DNMBP: variants seen among roughly 807,000 people sequenced by gnomAD.
DNMBP encodes the protein dynamin binding protein.
In DNMBP, 87 loss-of-function variants were observed where a neutral mutation model predicts 150.0. The observed-to-expected ratio is 0.58, with a 90% CI of 0.49 to 0.69. DNMBP has a LOEUF of 0.69. Ranked by LOEUF, DNMBP falls within the 30% of genes least tolerant of loss-of-function variation. DNMBP has a pLI of 0.00. For synonymous variants in DNMBP, 711 were observed against 750.4 expected (o/e 0.95, Z 0.86); for missense variants, 1,774 against 1,949.0 (o/e 0.91, Z 1.69).
chr10:100,000,643 T>C (rs995404001), intron 1 of DNMBP, among the ~76,000 whole-genome samples: 2 of 151,964 alleles, frequency 1.3e-5, no homozygotes, highest in African/African-American at 4.8e-5. Context: ...ACCCCTCCCT[T>C]AGATGACCCT....
intron 14 of DNMBP, among the ~76,000 whole-genome samples, chr10:99,884,511 A>AT (rs1309063110): frequency 6.6e-6 from 1 of 152,174 alleles, no homozygotes; most frequent in Non-Finnish European, 1.5e-5. Flanking sequence ...TATCTAAGTG[A>AT]TATTAGTAGG....
chr10:99,990,289 A>G (rs1050186865), intron 1 of DNMBP, among the ~76,000 whole-genome samples: 1 of 152,122 alleles, frequency 6.6e-6, no homozygotes, highest in African/African-American at 2.4e-5. Context: ...GTGGTGGCTC[A>G]TGCCTGTAAT....
chr10:99,910,227 C>A (rs1255918446), intron 4 of DNMBP, among the ~76,000 whole-genome samples: 1 of 152,250 alleles, frequency 6.6e-6, no homozygotes, highest in Non-Finnish European at 1.5e-5. Flanking sequence ...AAACACTTTC[C>A]ACACTGCTTT....
intron 3 of DNMBP, among the ~76,000 whole-genome samples, chr10:99,959,829 C>G (rs980657891): frequency 1.3e-5 from 2 of 148,278 alleles, no homozygotes; most frequent in Admixed American, 6.8e-5. Flanking sequence ...CACTCCGGCC[C>G]GGGCAACAGA....
intron 12 of DNMBP, among the ~76,000 whole-genome samples, chr10:99,888,232 G>A (rs1462807870): frequency 3.6e-5 from 3 of 84,408 alleles, no homozygotes; most frequent in African/African-American, 1.1e-4. Context: ...TTGTTTTGAG[G>A]CAGAGTCTTG....
chr10:99,899,745 C>T (rs2039711673), intron 7 of DNMBP, 174 bp downstream of exon 7: 2 of 759,816 alleles, frequency 2.6e-6, no homozygotes, highest in Non-Finnish European at 4.4e-6. Flanking sequence ...ATACTCTATA[C>T]AGATAAAACT....
chr10:99,957,333 G>A (rs2040512122), intron 3 of DNMBP, 128 bp from the exon 4 acceptor site: 1 of 816,942 alleles, frequency 1.2e-6, no homozygotes, highest in South Asian at 1.8e-5. Context: ...AGCTTTAGGA[G>A]CATGAACAAT....
At position 99,907,817 on chromosome 10, in the gene DNMBP, A is replaced by G. The variant is rs558744384; in HGVS notation, c.2554+178T>C. On this transcript the variant is annotated intron_variant, in intron 6 of 16. Transcript: ENST00000324109. ...AAACTACTTCTATTGCTAACATCCT[A>G]TTATTACCCCAAAGTAGGCTGAGAC... 2.0e-5 allele frequency among the ~76,000 whole-genome samples: 3 copies of G among 152,314 alleles called. 1 individual carries two copies. In the East Asian group the frequency reaches 5.8e-4, roughly 29 times the overall value.
At chr10:99,883,945 T>A in intron 15 of DNMBP, 66 bp downstream of exon 15, 1 of 1,490,632 alleles carries the variant, frequency 6.7e-7, no homozygotes, top group South Asian at 1.2e-5. Flanking sequence ...TAGTCCAGAT[T>A]CGGGTGCAGC....
At chr10:99,944,088 T>C (rs952811119) in intron 4 of DNMBP, among the ~76,000 whole-genome samples, 2 of 152,158 alleles carry the variant, frequency 1.3e-5, no homozygotes, top group African/African-American at 2.4e-5. Flanking sequence ...TTGGCATCCA[T>C]TGCACTGATT....
At chr10:99,896,553 A>G (rs1042966638) in intron 9 of DNMBP, 156 bp from the exon 10 acceptor site, 1 of 738,786 alleles carries the variant, frequency 1.4e-6, no homozygotes, top group Non-Finnish European at 2.3e-6. Flanking sequence ...CAGACATGAT[A>G]TCTGAAGCAC....
At chr10:99,946,634 G>A (rs11190336) in intron 4 of DNMBP, among the ~76,000 whole-genome samples, 70,852 of 152,040 alleles carry the variant, frequency 0.47, 17,484 homozygotes, top group African/African-American at 0.63. Flanking sequence ...ACTTACATGT[G>A]AGGTCTCAAA....
intron 4 of DNMBP, among the ~76,000 whole-genome samples, chr10:99,942,083 C>A (rs924426472): frequency 6.6e-6 from 1 of 152,190 alleles, no homozygotes; most frequent in South Asian, 2.1e-4. Context: ...TCTAGCTGAA[C>A]CAGTCTCCTT....
intron 4 of DNMBP, among the ~76,000 whole-genome samples, chr10:99,914,646 A>G (rs2039941272): frequency 1.3e-5 from 2 of 152,166 alleles, no homozygotes; most frequent in African/African-American, 4.8e-5. Context: ...TCTTCCAAAC[A>G]TTTACACTTA....
chr10:99,964,962 A>G (rs1474058242), intron 3 of DNMBP, among the ~76,000 whole-genome samples: 1 of 151,964 alleles, frequency 6.6e-6, no homozygotes, highest in African/African-American at 2.4e-5. Flanking sequence ...AGGAAAAGGA[A>G]GAAGGGTGAC....
intron 1 of DNMBP, among the ~76,000 whole-genome samples, chr10:100,001,035 G>C (rs557256066): frequency 6.6e-6 from 1 of 150,738 alleles, no homozygotes; most frequent in Non-Finnish European, 1.5e-5. Context: ...TTCAAGACCA[G>C]CCTGGCCAAC....
intron 4 of DNMBP, among the ~76,000 whole-genome samples, chr10:99,933,452 A>C (rs1401921003): frequency 6.6e-6 from 1 of 152,238 alleles, no homozygotes; most frequent in Non-Finnish European, 1.5e-5. Flanking sequence ...CAGGTAATAA[A>C]GCTTATCAAA....
intron 4 of DNMBP, among the ~76,000 whole-genome samples, chr10:99,933,470 C>A (rs71488038): frequency 6.6e-6 from 1 of 152,162 alleles, no homozygotes; most frequent in Non-Finnish European, 1.5e-5. Context: ...AAAACAGTTA[C>A]CCTGTTGAAA....
At chr10:99,894,592 G>A (rs866541981) in intron 11 of DNMBP, among the ~76,000 whole-genome samples, 3 of 152,130 alleles carry the variant, frequency 2.0e-5, no homozygotes, top group Admixed American at 6.6e-5. Context: ...TCTCGTTTAC[G>A]TTTCCTGTTT....
Sources: gnomAD v4.1 joint callset for allele counts (sites outside exome capture counted in the v4.1 genomes callset) on GRCh38, gnomAD v4.1.1 for gene constraint, MANE v1.5 for transcripts, NCBI Gene and HGNC (gene_info 2026-07-23, HGNC 2026-07-21) for gene names.